Variants in CTIF observed in about 807,000 individuals in gnomAD.
CTIF encodes cap binding complex dependent translation initiation factor, also known as CBP80/20-dependent translation initiation factor.
Under a neutral mutation model 66.0 loss-of-function variants are expected in CTIF, and 21 were observed. That is an observed-to-expected ratio of 0.32 (90% CI 0.23 to 0.46). The LOEUF (loss-of-function observed/expected upper bound fraction) is 0.46. Ranked by LOEUF, CTIF falls within the 20% of genes least tolerant of loss-of-function variation. CTIF has a pLI of 1.00. For missense variants in CTIF, 739 were observed against 812.7 expected, an observed-to-expected ratio of 0.91 and a Z score of 1.10; for synonymous variants, 345 against 326.4, an observed-to-expected ratio of 1.06 and a Z score of -0.62.
At chr18:48,670,646 C>T (rs774027223) in intron 5 of CTIF, 23 bp from the exon 6 acceptor site, 2 of 1,608,882 alleles carry the variant, frequency 1.2e-6, no homozygotes. Flanking sequence ...CTTTCCAATG[C>T]CTTTCTGTCT....
intron 5 of CTIF, among the ~76,000 whole-genome samples, chr18:48,664,905 CTTTCTTTTTTT>C (rs1402605043): frequency 3.2e-5 from 2 of 62,688 alleles, no homozygotes; most frequent in African/African-American, 9.4e-5. Context: ...CTGTGTGTTT[CTTTCTTTTTTT>C]TTTTTTTTTG....
chr18:48,779,528 G>C (rs187021045), intron 9 of CTIF, among the ~76,000 whole-genome samples: 1 of 152,194 alleles, frequency 6.6e-6, no homozygotes, highest in Non-Finnish European at 1.5e-5. Flanking sequence ...ACAGGGAAAC[G>C]AGATAAGAAA....
At chr18:48,548,625 C>T (rs567611273) in intron 1 of CTIF, among the ~76,000 whole-genome samples, 1 of 152,374 alleles carries the variant, frequency 6.6e-6, no homozygotes, top group South Asian at 2.1e-4. Context: ...TGCTCTGCCA[C>T]TGGCATGAAG....
intron 9 of CTIF, among the ~76,000 whole-genome samples, chr18:48,778,400 C>G (rs912156905): frequency 6.6e-6 from 1 of 152,220 alleles, no homozygotes. Context: ...TAACTTAGAA[C>G]AAGCATTCAA....
intron 6 of CTIF, among the ~76,000 whole-genome samples, chr18:48,673,892 A>G (rs1207520313): frequency 6.6e-6 from 1 of 152,234 alleles, no homozygotes; most frequent in Admixed American, 6.5e-5. Flanking sequence ...CAGGGAAGCC[A>G]AAAGATTGGA....
At chr18:48,857,721 T>G in intron 11 of CTIF, 80 bp downstream of exon 11, 1 of 1,332,446 alleles carries the variant, frequency 7.5e-7, no homozygotes, top group Non-Finnish European at 1.0e-6. Context: ...GGCACGAGGG[T>G]TGTTGGAGGC....
rs182148858 is a variant in CTIF, at chr18:48,738,652, A to G, written c.585-19267A>G. 2.8e-3 allele frequency among the ~76,000 whole-genome samples: 431 copies of G among 152,082 alleles called. 1 individual carries two copies. Among genetic ancestry groups the G allele is most frequent in the African/African-American group, 0.01 (415 of 41,486 alleles). On this transcript the variant is annotated intron_variant, in intron 7 of 11. Transcript: ENST00000256413. ...GAGGCCTGTCTTAACCATTCCACCT[A>G]AAAAGGCAGTCTCCACCAGGGGTGC...
rs772391068 is a variant in CTIF, at chr18:48,817,347, G to A, written c.1498G>A (p.Val500Met). The A allele has an allele frequency of 1.5e-5, 24 of 1,612,856 alleles. No homozygotes were observed. The highest frequency in any genetic ancestry group is 1.7e-5 in the Admixed American group (1 of 59,948). The change falls in exon 10 of 12, where the codon GTG becomes ATG. Residue 500 changes from valine to methionine, a missense_variant. By Grantham distance (21) the Val-to-Met change is conservative. Transcript: ENST00000256413. ...SSTGEPFRVL[V>M]CPIYTCLREL... is the part of the protein sequence containing the mutation. ...CACAGGCGAGCCCTTCCGTGTGCTC[G>A]TGTGCCCCATCTACACCTGCCTCAG... is the stretch of plus-strand genomic sequence containing the variant.
At chr18:48,705,668 A>C (rs9967392) in intron 6 of CTIF, among the ~76,000 whole-genome samples, 1,658 of 152,316 alleles carry the variant, frequency 0.011, 35 homozygotes, top group African/African-American at 0.037. Context: ...TCGGAATGCC[A>C]GGGCTTCACC....
At chr18:48,824,140 A>G (rs1168570886) in intron 10 of CTIF, among the ~76,000 whole-genome samples, 1 of 152,258 alleles carries the variant, frequency 6.6e-6, no homozygotes, top group Non-Finnish European at 1.5e-5. Flanking sequence ...AATTGCATCC[A>G]AAAGAAATAC....
intron 1 of CTIF, among the ~76,000 whole-genome samples, chr18:48,612,074 AGGGGTT>A (rs1307193519): frequency 1.3e-5 from 2 of 152,140 alleles, no homozygotes; most frequent in African/African-American, 4.8e-5. Context: ...CCCATTTCCC[AGGGGTT>A]GGGGACCTGG....
chr18:48,607,338 T>C (rs2090221709), intron 1 of CTIF, among the ~76,000 whole-genome samples: 1 of 152,220 alleles, frequency 6.6e-6, no homozygotes, highest in Admixed American at 6.5e-5. Flanking sequence ...TCCAGCATGC[T>C]TCAGGCATTG....
intron 10 of CTIF, among the ~76,000 whole-genome samples, chr18:48,839,894 A>G (rs1452732352): frequency 2.0e-5 from 3 of 152,210 alleles, no homozygotes; most frequent in Admixed American, 6.5e-5. Flanking sequence ...CACCCCAGCC[A>G]GCAGAAAGCC....
intron 6 of CTIF, among the ~76,000 whole-genome samples, chr18:48,694,959 T>C (rs143050791): frequency 2.0e-4 from 30 of 152,384 alleles, no homozygotes; most frequent in African/African-American, 7.0e-4. Flanking sequence ...TTCTTCCTAA[T>C]TGGAAACCTC....
chr18:48,770,783 C>T (rs558248632), intron 9 of CTIF, among the ~76,000 whole-genome samples: 1 of 152,364 alleles, frequency 6.6e-6, no homozygotes, highest in South Asian at 2.1e-4. Context: ...TCTGCACCCA[C>T]GTTTCCGTCC....
At chr18:48,664,672 C>A in intron 5 of CTIF, 121 bp downstream of exon 5, 1 of 782,794 alleles carries the variant, frequency 1.3e-6, no homozygotes, top group Non-Finnish European at 2.1e-6. Context: ...CCCCGGGATG[C>A]TCTTCTTATG....
At position 48,645,837 on chromosome 18, in the gene CTIF, G is replaced by A. The variant is rs55940041; in HGVS notation, c.252+9152G>A. The stretch of plus-strand genomic sequence containing the variant: ...CAGCAAGCACCCCTGCGGCGTCGGA[G>A]GAGGTTGAGTGGGCAACCTGGACTT... On this transcript the variant is annotated intron_variant, in intron 3 of 11. Coordinates refer to ENST00000256413, the MANE Select transcript of CTIF (RefSeq NM_014772.3). Among the ~76,000 whole-genome samples, 1,319 of 152,322 alleles carry A rather than the reference G, an allele frequency of 8.7e-3. 7 individuals are homozygous for A. Among genetic ancestry groups the A allele is most frequent in the Middle Eastern group, 0.034 (10 of 294 alleles).
intron 1 of CTIF, among the ~76,000 whole-genome samples, chr18:48,543,570 T>C (rs1032729956): frequency 6.6e-6 from 1 of 152,208 alleles, no homozygotes; most frequent in Non-Finnish European, 1.5e-5. Context: ...AGGCCAGAGC[T>C]GTGGTTCACA....
chr18:48,600,979 C>T (rs900193021), intron 1 of CTIF, among the ~76,000 whole-genome samples: 4 of 152,102 alleles, frequency 2.6e-5, no homozygotes, highest in Non-Finnish European at 2.9e-5. Flanking sequence ...CTCTCAGCCA[C>T]GTAGACACTG....
Sources: allele counts gnomAD v4.1 joint callset (sites outside exome capture counted in the v4.1 genomes callset), GRCh38; gene constraint gnomAD v4.1.1; transcripts MANE v1.5; gene names NCBI Gene and HGNC (gene_info 2026-07-23, HGNC 2026-07-21).